The following GEMIN5 variants were observed in gnomAD, a reference collection of about 807,000 sequenced individuals.
The protein encoded by GEMIN5 is gem nuclear organelle associated protein 5.
GEMIN5 carries 124 observed loss-of-function variants against 176.9 expected under a neutral mutation model. The ratio of observed to expected loss-of-function variants is 0.70; its 90% CI spans 0.61 to 0.81. The LOEUF (loss-of-function observed/expected upper bound fraction) is 0.81. Among genes scored for constraint, GEMIN5 ranks in the 40% least tolerant of loss-of-function variants. GEMIN5 has a pLI of 0.00. For missense variants in GEMIN5, 1,843 were observed against 1,814.6 expected (o/e 1.02, Z -0.28); for synonymous variants, 673 against 665.2 (o/e 1.01, Z -0.18).
At position 154,895,757 on chromosome 5, in the gene GEMIN5, C is replaced by T. The variant is rs374001642; in HGVS notation, c.3597+335G>A. ...AGGAAATAGTGGCTGGGCGTGGTGG[C>T]GCACGCCTGTAATCACAGCTCTTAG... On this transcript the variant is annotated intron_variant, in intron 24 of 27. Transcript: ENST00000285873. Among the ~76,000 whole-genome samples the T allele has an allele frequency of 2.9e-3, 441 of 152,066 alleles. 2 individuals carry two copies. The highest frequency in any genetic ancestry group is 0.01 in the African/African-American group (429 of 41,466).
intron 14 of GEMIN5, 134 bp downstream of exon 14, chr5:154,912,765 T>C (rs1763729497): frequency 1.4e-6 from 1 of 739,820 alleles, no homozygotes. Flanking sequence ...AAATGCCTCC[T>C]AGAGCCCAGA....
intron 16 of GEMIN5, 82 bp from the exon 17 acceptor site, chr5:154,905,558 C>A: frequency 3.1e-6 from 2 of 643,000 alleles, no homozygotes; most frequent in Middle Eastern, 3.2e-4. Flanking sequence ...AATTAAGAGC[C>A]ATTCCAAGCT....
rs750246557 is a variant in GEMIN5 at position 154,891,283 on chromosome 5, T to G, written c.4220A>C (p.Glu1407Ala). The G allele has an allele frequency of 6.2e-7, 1 of 1,614,074 alleles. No homozygotes were observed. Among genetic ancestry groups the G allele is most frequent in the African/African-American group, 1.3e-5 (1 of 75,022 alleles). The change falls in exon 26 of 28, where the codon GAA becomes GCA. Residue 1407 changes from glutamate (E) to alanine (A), a missense_variant. Coordinates refer to ENST00000285873, the MANE Select transcript of GEMIN5 (RefSeq NM_015465.5). The stretch of plus-strand genomic sequence containing the variant: ...GCAGAGGGGCTGCTCTGCTTCTACT[T>G]CCGGTTCATTCTTATCAGGACCATT... ...TANGPDKNEP[E>A]VEAEQPLCSS...
chr5:154,938,196 AG>A lies in GEMIN5; in HGVS notation c.-64del. 2 of 1,260,602 alleles carry A rather than the reference AG, an allele frequency of 1.6e-6. No homozygotes were observed. The highest frequency in any genetic ancestry group is 2.0e-6 in the Non-Finnish European group (2 of 981,096). The allele number at this position is 1,260,602 out of a possible 1,614,324, so 78.1% of individuals were successfully genotyped here. A position where few individuals can be genotyped will look rare whatever the true frequency, so the allele number is the denominator to read the frequency against. ...CCGACCGCTCGTAGCCTCACGCCTT[AG>A]GTAGGGAGCGGGGCGGGGTGAACTC... On this transcript the variant is annotated 5_prime_UTR_variant, in exon 1 of 28. Coordinates refer to ENST00000285873, the MANE Select transcript of GEMIN5 (RefSeq NM_015465.5).
Position 154,938,176 on chromosome 5 carries a change from C to G in GEMIN5, c.-43G>C. On this transcript the variant is annotated 5_prime_UTR_variant, in exon 1 of 28. Transcript: ENST00000285873. The stretch of plus-strand genomic sequence containing the variant: ...GACAAGAGAAGCTGCCACAGCCGAC[C>G]GCTCGTAGCCTCACGCCTTAGGTAG... The G allele has an allele frequency of 2.3e-6, 3 of 1,313,758 alleles. No homozygotes were observed. Among genetic ancestry groups the G allele is most frequent in the Non-Finnish European group, 2.9e-6 (3 of 1,021,572 alleles). 81.4% of individuals were successfully genotyped at this position (1,313,758 alleles called of 1,614,324 possible).
At chr5:154,907,537 G>T (rs1763592432) in intron 16 of GEMIN5, 54 bp downstream of exon 16, 5 of 1,347,224 alleles carry the variant, frequency 3.7e-6, no homozygotes, top group Non-Finnish European at 4.3e-6. Context: ...ACCTAGCTTA[G>T]TTTCCCAGAC....
chr5:154,927,577 T>C, intron 6 of GEMIN5, 27 bp from the exon 7 acceptor site: 1 of 1,541,090 alleles, frequency 6.5e-7, no homozygotes. Flanking sequence ...TAAGCATTAG[T>C]TCTTTTACAA....
In GEMIN5 at chr5:154,911,883, G is replaced by T. The variant is rs372411271; in HGVS notation, c.2011C>A (p.Arg671=). 3.1e-5 allele frequency: 50 copies of T among 1,613,854 alleles called. No homozygotes were observed. The African/African-American group carries it at 5.5e-4, about 18-fold the overall frequency. The change falls in exon 15 of 28, where the codon CGG becomes AGG. Residue 671 remains arginine, a synonymous_variant. Coordinates refer to ENST00000285873, the MANE Select transcript of GEMIN5 (RefSeq NM_015465.5). The stretch of plus-strand genomic sequence containing the variant: ...CGGAAATTGCACAGGGGCTCTTCCC[G>T]GAGAGCATCCCACACCTAAACCCAA... ...DGTAQVWDAL[R]EEPLCNFRGH...
chr5:154,902,192 G>C (rs146092283), intron 20 of GEMIN5, among the ~76,000 whole-genome samples: 272 of 152,072 alleles, frequency 1.8e-3, no homozygotes, highest in African/African-American at 6.4e-3. Context: ...TTAACAGAGC[G>C]CTATAGGTCT....
chr5:154,910,488 A>G (rs1763679115), intron 15 of GEMIN5, among the ~76,000 whole-genome samples: 1 of 151,986 alleles, frequency 6.6e-6, no homozygotes, highest in South Asian at 2.1e-4. Flanking sequence ...AGTTCTTGGT[A>G]GAAATGGGAT....
rs765323043 is a variant in GEMIN5 at position 154,898,498 on chromosome 5, A to G, written c.3287T>C (p.Leu1096Pro). Residue 1096 changes from leucine to proline, a missense_variant, in exon 23 of 28, where the codon CTT (leucine) becomes CCT (proline). By Grantham distance (98) the Leu-to-Pro change is moderately conservative. Coordinates refer to ENST00000285873, the MANE Select transcript of GEMIN5 (RefSeq NM_015465.5). Reference protein sequence around the residue: ...SLALRCAQELLLANNWVGAQE... With the variant: ...SLALRCAQELPLANNWVGAQE... ...GGCTCCCACCCAGTTGTTGGCCAGA[A>G]GCAGCTCTTGGGCACATCTGAGAGC... is the stretch of plus-strand genomic sequence containing the variant. 5 of 1,614,206 alleles carry G rather than the reference A, an allele frequency of 3.1e-6. No individual in the cohort carries two copies. In the Middle Eastern group the frequency reaches 4.9e-4, roughly 160 times the overall value.
rs1364229184 is a variant in GEMIN5, at chr5:154,925,974, G to A, written c.1181C>T (p.Ser394Phe). ...SLAFSSVDIG[S>F]LAIGVGDGMI... is the part of the protein sequence containing the mutation. ...GCCATCCCCAACACCTATGGCCAAA[G>A]AGCCTATGTCCACAGAAGAGAAAGC... is the stretch of plus-strand genomic sequence containing the variant. Residue 394 changes from serine to phenylalanine, a missense_variant, in exon 8 of 28, where the codon TCT (serine) becomes TTT (phenylalanine). Physicochemically the swap from Ser to Phe is radical, Grantham distance 155. Coordinates refer to ENST00000285873, the MANE Select transcript of GEMIN5 (RefSeq NM_015465.5). The A allele has an allele frequency of 1.1e-5, 18 of 1,612,678 alleles. No homozygotes were observed. In the Admixed American group the frequency reaches 2.8e-4, roughly 25 times the overall value.
Position 154,905,409 on chromosome 5 carries a change from A to G in GEMIN5, c.2463T>C (p.Asn821=). ...CCTTTTTCAGTAAAATGACTTTGTT[A>G]TTAATGGTGACTTTTGACTTTTCAA... ...SGFEKSKVTI[N]NKVILLKKEP... The change falls in exon 17 of 28, where the codon AAT becomes AAC. Residue 821 remains asparagine (N), a synonymous_variant. Coordinates refer to ENST00000285873, the MANE Select transcript of GEMIN5 (RefSeq NM_015465.5). 1.2e-6 allele frequency: 2 copies of G among 1,609,696 alleles called. No homozygotes were observed. Among genetic ancestry groups the G allele is most frequent in the Non-Finnish European group, 1.7e-6 (2 of 1,177,230 alleles).
At chr5:154,905,001 T>C (rs1422184778) in intron 17 of GEMIN5, among the ~76,000 whole-genome samples, 1 of 152,134 alleles carries the variant, frequency 6.6e-6, no homozygotes, top group Non-Finnish European at 1.5e-5. Context: ...GAGACCAGCC[T>C]GGCCAACATG....
chr5:154,905,700 G>GTTTT (rs112942279), intron 16 of GEMIN5, among the ~76,000 whole-genome samples: 2 of 139,052 alleles, frequency 1.4e-5, no homozygotes, highest in Admixed American at 7.2e-5. Context: ...TATTACTTTG[G>GTTTT]TTTTTTTTTT....
intron 5 of GEMIN5, 66 bp downstream of exon 5, chr5:154,931,392 A>T: frequency 6.7e-7 from 1 of 1,498,622 alleles, no homozygotes; most frequent in Non-Finnish European, 9.1e-7. Context: ...GGACAATAAG[A>T]ACAGAAAACC....
intron 11 of GEMIN5, among the ~76,000 whole-genome samples, chr5:154,919,507 G>C (rs1262836321): frequency 6.6e-6 from 1 of 152,166 alleles, no homozygotes; most frequent in African/African-American, 2.4e-5. Context: ...TGTAAATCTA[G>C]AATCATTTTA....
At chr5:154,901,658 A>G (rs1400419098) in intron 20 of GEMIN5, among the ~76,000 whole-genome samples, 172 bp from the exon 21 acceptor site, 1 of 152,248 alleles carries the variant, frequency 6.6e-6, no homozygotes, top group African/African-American at 2.4e-5. Context: ...ATTCTGAAGC[A>G]TCAATTGTTT....
chr5:154,918,995 C>G (rs576936176), intron 11 of GEMIN5, among the ~76,000 whole-genome samples: 1 of 152,024 alleles, frequency 6.6e-6, no homozygotes, highest in East Asian at 1.9e-4. Flanking sequence ...GAGCTGAGAT[C>G]GCACCACCGC....
Sources: allele counts gnomAD v4.1 joint callset (sites outside exome capture counted in the v4.1 genomes callset), GRCh38; gene constraint gnomAD v4.1.1; transcripts MANE v1.5; gene names NCBI Gene and HGNC (gene_info 2026-07-23, HGNC 2026-07-21).